Variants in MAGI2 observed in about 807,000 individuals in gnomAD.
MAGI2 encodes membrane-associated guanylate kinase, WW and PDZ domain-containing protein 2.
MAGI2 carries 35 observed loss-of-function variants against 133.3 expected under a neutral mutation model. The ratio of observed to expected loss-of-function variants is 0.26; its 90% confidence interval spans 0.20 to 0.35. MAGI2 has a LOEUF of 0.35. MAGI2 is among the 10% of genes least tolerant of loss of function. MAGI2 has a pLI of 1.00. For missense variants in MAGI2, 1,636 were observed against 1,863.4 expected (o/e 0.88, Z 2.25); for synonymous variants, 729 against 710.6 (o/e 1.03, Z -0.41).
At chr7:78,613,807 C>T (rs189127473) in intron 3 of MAGI2, among the ~76,000 whole-genome samples, 2 of 152,158 alleles carry the variant, frequency 1.3e-5, no homozygotes, top group Admixed American at 1.3e-4. Context: ...TGTTTTGCCT[C>T]TAAGACGAAT....
At chr7:78,834,836 C>T (rs191971897) in intron 2 of MAGI2, among the ~76,000 whole-genome samples, 75 of 152,172 alleles carry the variant, frequency 4.9e-4, no homozygotes, top group Admixed American at 9.2e-4. Context: ...AATGAGTACT[C>T]ACGAGATCTG....
At chr7:78,972,229 T>A (rs1049563941) in intron 2 of MAGI2, among the ~76,000 whole-genome samples, 3 of 151,936 alleles carry the variant, frequency 2.0e-5, no homozygotes, top group Non-Finnish European at 4.4e-5. Context: ...CATGAATTCC[T>A]ATAACCTGCT....
chr7:78,032,915 G>A (rs956314906), intron 21 of MAGI2, among the ~76,000 whole-genome samples: 1 of 152,110 alleles, frequency 6.6e-6, no homozygotes, highest in Non-Finnish European at 1.5e-5. Context: ...GAGGTAGAAG[G>A]AAGTGTGAGA....
chr7:79,281,081 A>C (rs1425502112), intron 1 of MAGI2, among the ~76,000 whole-genome samples: 1 of 152,062 alleles, frequency 6.6e-6, no homozygotes, highest in South Asian at 2.1e-4. Flanking sequence ...CATAAACATG[A>C]CCAGAGAATA....
intron 7 of MAGI2, chr7:78,350,139 A>T (rs1791353436): frequency 2.0e-5 from 3 of 152,352 alleles, no homozygotes; most frequent in Admixed American, 1.3e-4. Flanking sequence ...GGGAAAGACT[A>T]CTGATGAGAG....
chr7:78,549,289 G>A (rs186142875), intron 3 of MAGI2, among the ~76,000 whole-genome samples: 2 of 152,138 alleles, frequency 1.3e-5, no homozygotes, highest in East Asian at 3.9e-4. Flanking sequence ...TTCACAGAAC[G>A]CCAACTTCAG....
intron 10 of MAGI2, chr7:78,255,704 T>A (rs946454838): frequency 3.4e-6 from 2 of 593,212 alleles, no homozygotes; most frequent in African/African-American, 3.8e-5. Context: ...TTTCTATCAA[T>A]ATGTCTGTAA....
At chr7:79,030,618 G>C (rs1022281949) in intron 1 of MAGI2, among the ~76,000 whole-genome samples, 1 of 152,116 alleles carries the variant, frequency 6.6e-6, no homozygotes, top group African/African-American at 2.4e-5. Flanking sequence ...GTAGACAGTG[G>C]GTGGATGAAC....
chr7:79,333,414 C>A (rs1190286933), intron 1 of MAGI2, among the ~76,000 whole-genome samples: 1 of 152,202 alleles, frequency 6.6e-6, no homozygotes, highest in Non-Finnish European at 1.5e-5. Context: ...GCGTGAGCCA[C>A]CGCACCCGGC....
At chr7:78,933,319 T>C (rs1356421701) in intron 2 of MAGI2, among the ~76,000 whole-genome samples, 1 of 152,076 alleles carries the variant, frequency 6.6e-6, no homozygotes. Flanking sequence ...AGAGTAAATA[T>C]AAAAACAGTT....
At chr7:79,318,205 G>A (rs1838891296) in intron 1 of MAGI2, among the ~76,000 whole-genome samples, 1 of 151,998 alleles carries the variant, frequency 6.6e-6, no homozygotes, top group South Asian at 2.1e-4. Context: ...ATATATTCAG[G>A]TGCCAAAAGT....
intron 3 of MAGI2, among the ~76,000 whole-genome samples, chr7:78,579,291 A>T (rs188985334): frequency 6.6e-6 from 1 of 152,200 alleles, no homozygotes; most frequent in Non-Finnish European, 1.5e-5. Context: ...TGCTAAATAC[A>T]TATCAGATGG....
Position 79,217,350 on chromosome 7 carries a change from C to T in MAGI2, c.302-210144G>A, listed in dbSNP as rs112536283. Among the ~76,000 whole-genome samples the T allele has an allele frequency of 8.0e-3, 1,218 of 151,994 alleles. 29 individuals carry two copies. Among genetic ancestry groups the T allele is most frequent in the African/African-American group, 0.028 (1,148 of 41,374 alleles). On this transcript the variant is annotated intron_variant, in intron 1 of 21. Coordinates refer to ENST00000354212, the MANE Select transcript of MAGI2 (RefSeq NM_012301.4). ...CTAAATTTTATACTTTAGTCCCTAT[C>T]ATATATTTATTTCCATATTTTGTTC...
intron 2 of MAGI2, among the ~76,000 whole-genome samples, chr7:78,720,466 A>G (rs1230642426): frequency 9.2e-5 from 14 of 152,082 alleles, no homozygotes; most frequent in Non-Finnish European, 1.9e-4. Context: ...TCTGGACAGT[A>G]TGGGTCTAAA....
chr7:78,130,531 C>T (rs1393305146), intron 18 of MAGI2, among the ~76,000 whole-genome samples: 1 of 152,142 alleles, frequency 6.6e-6, no homozygotes, highest in Admixed American at 6.5e-5. Flanking sequence ...ATACCATGGC[C>T]ATCTTTAAAT....
intron 2 of MAGI2, among the ~76,000 whole-genome samples, chr7:78,992,364 C>T (rs1346583241): frequency 6.6e-6 from 1 of 151,994 alleles, no homozygotes; most frequent in Non-Finnish European, 1.5e-5. Flanking sequence ...TACATAATAG[C>T]TCTCATGTTC....
At chr7:78,214,607 T>G (rs1584424494) in intron 10 of MAGI2, among the ~76,000 whole-genome samples, 1 of 152,190 alleles carries the variant, frequency 6.6e-6, no homozygotes, top group African/African-American at 2.4e-5. Context: ...ATCTTTTACT[T>G]TTTAAAAGTA....
intron 2 of MAGI2, among the ~76,000 whole-genome samples, chr7:78,791,587 G>C (rs1827245331): frequency 6.6e-6 from 1 of 150,604 alleles, no homozygotes; most frequent in South Asian, 2.1e-4. Flanking sequence ...TGTTGCCCAG[G>C]CTAGAGTGCA....
At chr7:79,022,646 C>CAAA (rs61289194) in intron 1 of MAGI2, among the ~76,000 whole-genome samples, 63,698 of 117,450 alleles carry the variant, frequency 0.54, 16,808 homozygotes, top group East Asian at 0.63. Flanking sequence ...AGACAAGATC[C>CAAA]AAAAAAAAAA....
Sources: allele counts gnomAD v4.1 joint callset (sites outside exome capture counted in the v4.1 genomes callset), GRCh38; gene constraint gnomAD v4.1.1; transcripts MANE v1.5; gene names NCBI Gene and HGNC (gene_info 2026-07-23, HGNC 2026-07-21).